The following GAS2 variants were observed in gnomAD, a reference collection of about 807,000 sequenced individuals.
GAS2 encodes the protein growth arrest-specific protein 2.
Under a neutral mutation model 37.5 loss-of-function variants are expected in GAS2, and 20 were observed. That is an observed-to-expected ratio of 0.53 (90% CI 0.37 to 0.77). GAS2 has a LOEUF of 0.77. Ranked by LOEUF, GAS2 falls within the 30% of genes least tolerant of loss-of-function variation. The pLI is 0.00. For synonymous variants in GAS2, 144 were observed against 132.2 expected (o/e 1.09, Z -0.61); for missense variants, 336 against 373.4 (o/e 0.90, Z 0.82).
At chr11:22,766,788 A>G (rs1247481933) in intron 7 of GAS2, among the ~76,000 whole-genome samples, 2 of 152,204 alleles carry the variant, frequency 1.3e-5, no homozygotes, top group Non-Finnish European at 2.9e-5. Flanking sequence ...GAACATTTAC[A>G]ATTTACTACA....
intron 1 of GAS2, among the ~76,000 whole-genome samples, chr11:22,633,106 A>G (rs1858766648): frequency 6.6e-6 from 1 of 152,144 alleles, no homozygotes; most frequent in African/African-American, 2.4e-5. Flanking sequence ...AGTCAGTGGA[A>G]TCTTTGTGGT....
chr11:22,782,465 A>G (rs148584018), intron 7 of GAS2, among the ~76,000 whole-genome samples: 1 of 152,218 alleles, frequency 6.6e-6, no homozygotes, highest in African/African-American at 2.4e-5. Flanking sequence ...TTACAAAGCT[A>G]TATTGCCCAG....
intron 1 of GAS2, among the ~76,000 whole-genome samples, chr11:22,650,471 C>G (rs1457309535): frequency 6.6e-6 from 1 of 151,712 alleles, no homozygotes; most frequent in Non-Finnish European, 1.5e-5. Context: ...CCTGTGTATC[C>G]TTGTTGACTT....
intron 1 of GAS2, among the ~76,000 whole-genome samples, chr11:22,652,950 C>A (rs1181656320): frequency 1.3e-5 from 1 of 74,322 alleles, no homozygotes; most frequent in Non-Finnish European, 2.7e-5. Flanking sequence ...TCCTCCACAA[C>A]CTCTTTCTTT....
intron 3 of GAS2, among the ~76,000 whole-genome samples, chr11:22,708,703 G>A (rs1454377885): frequency 1.3e-5 from 2 of 152,114 alleles, no homozygotes; most frequent in Non-Finnish European, 2.9e-5. Context: ...TATTACACTA[G>A]GTGCTAGGAA....
chr11:22,787,893 T>A (rs1444808174), intron 7 of GAS2, among the ~76,000 whole-genome samples: 1 of 152,218 alleles, frequency 6.6e-6, no homozygotes, highest in African/African-American at 2.4e-5. Context: ...GGTTGAGATA[T>A]GTTTGTGTTA....
chr11:22,642,215 C>T (rs1848638782), intron 1 of GAS2, among the ~76,000 whole-genome samples: 1 of 152,004 alleles, frequency 6.6e-6, no homozygotes, highest in South Asian at 2.1e-4. Flanking sequence ...TTGCAGTGGT[C>T]CTCATGAGCA....
intron 6 of GAS2, among the ~76,000 whole-genome samples, chr11:22,755,197 A>C (rs1386428108): frequency 6.6e-6 from 1 of 152,118 alleles, no homozygotes; most frequent in Admixed American, 6.6e-5. Context: ...TCTGATATTC[A>C]GGCATCAATT....
chr11:22,797,098 T>C (rs571766405), intron 7 of GAS2, among the ~76,000 whole-genome samples: 40 of 152,214 alleles, frequency 2.6e-4, no homozygotes, highest in Non-Finnish European at 4.3e-4. Context: ...GGTAATTAGA[T>C]GGAGACTAAG....
intron 7 of GAS2, among the ~76,000 whole-genome samples, chr11:22,786,946 T>C (rs938365918): frequency 6.6e-6 from 1 of 152,170 alleles, no homozygotes; most frequent in Non-Finnish European, 1.5e-5. Context: ...TCTAGAAAAC[T>C]ACCTCCATAA....
chr11:22,750,979 A>G lies in GAS2; in HGVS notation c.615+1718A>G, dbSNP rs894737446. Among the ~76,000 whole-genome samples the G allele has an allele frequency of 5.1e-4, 77 of 151,980 alleles. 1 individual carries two copies. The highest frequency in any genetic ancestry group is 1.8e-3 in the African/African-American group (75 of 41,498). ...ATTTTTTTAGTCCGGAAATTATGAG[A>G]TTGCTTCCTGGTATTTGACACTGTT... On this transcript the variant is annotated intron_variant, in intron 6 of 7. Transcript: ENST00000454584.
rs1849115497 is a variant in GAS2 at position 22,669,430 on chromosome 11, CA to C, written c.-21+2533del. On this transcript the variant is annotated intron_variant, in intron 1 of 7. Coordinates refer to ENST00000454584, the MANE Select transcript of GAS2 (RefSeq NM_001143830.3). ...CTAACAACATGAAAATATAGAAAAT[CA>C]ATTCCCATTCAGGTTTTTTTAAATC... 2.0e-5 allele frequency among the ~76,000 whole-genome samples: 3 copies of C among 152,114 alleles called. No homozygotes were observed. The South Asian group carries it at 6.2e-4, about 32-fold the overall frequency.
At chr11:22,793,427 T>TTTATGAACTAG (rs1856273575) in intron 7 of GAS2, among the ~76,000 whole-genome samples, 1 of 152,190 alleles carries the variant, frequency 6.6e-6, no homozygotes, top group African/African-American at 2.4e-5. Context: ...ACATTAAAGC[T>TTTATGAACTAG]TTGAAAGAAG....
chr11:22,716,662 A>G (rs145910044), intron 3 of GAS2, among the ~76,000 whole-genome samples: 72 of 152,070 alleles, frequency 4.7e-4, no homozygotes, highest in African/African-American at 1.6e-3. Flanking sequence ...AAAAAAGAAA[A>G]AAAGAAATAA....
Position 22,710,317 on chromosome 11 carries a change from A to T in GAS2, c.268-15975A>T, listed in dbSNP as rs540695072. ...TTGAACTTTTGAAAATACTTATCTC[A>T]TACATAATTTACAGATGAGTACCCC... is the stretch of plus-strand genomic sequence containing the variant. On this transcript the variant is annotated intron_variant, in intron 3 of 7. Coordinates refer to ENST00000454584, the MANE Select transcript of GAS2 (RefSeq NM_001143830.3). 1.4e-3 allele frequency among the ~76,000 whole-genome samples: 211 copies of T among 152,266 alleles called. 1 individual carries two copies. Among genetic ancestry groups the T allele is most frequent in the African/African-American group, 4.9e-3 (202 of 41,554 alleles).
intron 3 of GAS2, among the ~76,000 whole-genome samples, chr11:22,705,289 C>A (rs1851058137): frequency 6.6e-6 from 1 of 152,124 alleles, no homozygotes; most frequent in African/African-American, 2.4e-5. Flanking sequence ...CACAATTGTT[C>A]TTCTAGCTTC....
chr11:22,697,379 A>G (rs1305414983), intron 3 of GAS2, among the ~76,000 whole-genome samples: 1 of 152,162 alleles, frequency 6.6e-6, no homozygotes, highest in Non-Finnish European at 1.5e-5. Flanking sequence ...AGGTAGCATG[A>G]TTCCTCCAGC....
At chr11:22,712,647 T>G (rs1256872001) in intron 3 of GAS2, among the ~76,000 whole-genome samples, 1 of 152,160 alleles carries the variant, frequency 6.6e-6, no homozygotes, top group African/African-American at 2.4e-5. Flanking sequence ...CAACATTCTA[T>G]GACACCCACA....
intron 3 of GAS2, among the ~76,000 whole-genome samples, chr11:22,692,465 A>G (rs1477128262): frequency 1.3e-5 from 2 of 152,194 alleles, no homozygotes; most frequent in African/African-American, 4.8e-5. Context: ...AATATATGTA[A>G]GAAGTACATT....
Sources: gnomAD v4.1 joint callset for allele counts (sites outside exome capture counted in the v4.1 genomes callset) on GRCh38, gnomAD v4.1.1 for gene constraint, MANE v1.5 for transcripts, NCBI Gene and HGNC (gene_info 2026-07-23, HGNC 2026-07-21) for gene names.